The following AP3B2 variants were observed in gnomAD, a reference collection of about 807,000 sequenced individuals.
The protein encoded by AP3B2 is AP-3 complex subunit beta-2.
A neutral mutation model predicts 126.9 loss-of-function variants in AP3B2; 50 were observed. The observed-to-expected ratio is 0.39, with a 90% CI of 0.31 to 0.50. The LOEUF is 0.50. AP3B2 is among the 20% of genes least tolerant of loss of function. The pLI, the probability that AP3B2 is intolerant of heterozygous loss-of-function variation, is 0.79. For synonymous variants in AP3B2, 541 were observed against 565.0 expected (o/e 0.96, Z 0.60); for missense variants, 1,177 against 1,426.4 (o/e 0.83, Z 2.82).
chr15:82,667,080 C>G, intron 14 of AP3B2, 147 bp from the exon 15 acceptor site: 1 of 774,648 alleles, frequency 1.3e-6, no homozygotes, highest in Non-Finnish European at 2.0e-6. Flanking sequence ...TCCCTCCCCA[C>G]CTGCCCTTGT....
At position 82,661,855 on chromosome 15, in the gene AP3B2, T is replaced by C. The variant is rs2047956387; in HGVS notation, c.2986A>G (p.Met996Val). Reference sequence around the variant, plus strand: ...TCCTTCTTAAACTCATTTTCACTCATGAACACAGGGGCCATCAGCTCCCCA... The same window carrying C: ...TCCTTCTTAAACTCATTTTCACTCACGAACACAGGGGCCATCAGCTCCCCA... ...PVGELMAPVFMSENEFKKEQG... is the reference protein window; with the variant it reads ...PVGELMAPVFVSENEFKKEQG... The change falls in exon 25 of 27, where the codon ATG (methionine) becomes GTG (valine). Residue 996 changes from methionine (M) to valine (V), a missense_variant. Physicochemically the swap from Met to Val is conservative, Grantham distance 21. Coordinates refer to ENST00000535359, the MANE Select transcript of AP3B2 (RefSeq NM_001278512.2). The C allele has an allele frequency of 1.9e-6, 3 of 1,613,632 alleles. No individual in the cohort carries two copies. The highest frequency in any genetic ancestry group is 2.5e-6 in the Non-Finnish European group (3 of 1,179,794).
chr15:82,672,843 T>G (rs2048180091), intron 14 of AP3B2, among the ~76,000 whole-genome samples: 1 of 152,236 alleles, frequency 6.6e-6, no homozygotes, highest in Non-Finnish European at 1.5e-5. Context: ...GCATCCGTGT[T>G]GGGAGGCCCC....
At chr15:82,704,693 C>T (rs1398481673) in intron 1 of AP3B2, among the ~76,000 whole-genome samples, 2 of 152,248 alleles carry the variant, frequency 1.3e-5, no homozygotes, top group African/African-American at 2.4e-5. Context: ...CTGACTGACT[C>T]CTTCCCAAAT....
At position 82,687,986 on chromosome 15, in the gene AP3B2, G is replaced by A. The variant is rs192056591; in HGVS notation, c.360+750C>T. ...GCATGGTGATGCAGGCTGAGTAGTC[G>A]CAGCTACTCAGGAGACAGAGGTGGG... On this transcript the variant is annotated intron_variant, in intron 4 of 26. Transcript: ENST00000535359. The A allele has an allele frequency of 2.3e-3, 353 of 155,878 alleles. 1 individual carries two copies. The highest frequency in any genetic ancestry group is 7.8e-3 in the African/African-American group (323 of 41,538). 9.7% of individuals were successfully genotyped at this position (155,878 alleles called of 1,614,324 possible). A position where few individuals can be genotyped will look rare whatever the true frequency, so the allele number is the denominator to read the frequency against.
rs1229348730 is a variant in AP3B2 at position 82,663,155 on chromosome 15, G to A, written c.2576C>T (p.Thr859Ile). ...TSLAADLEGL[T>I]LTDSTLVPSL... ...CGGTACCAGGGTGGAGTCTGTGAGT[G>A]TCAGGCCCTCCAGGTCAGCAGCCAG... The change falls in exon 22 of 27, where the codon ACA becomes ATA. Residue 859 changes from threonine (T) to isoleucine (I), a missense_variant. Coordinates refer to ENST00000535359, the MANE Select transcript of AP3B2 (RefSeq NM_001278512.2). 14 of 1,612,040 alleles carry A rather than the reference G, an allele frequency of 8.7e-6. No individual in the cohort carries two copies. The highest frequency in any genetic ancestry group is 1.2e-5 in the Non-Finnish European group (14 of 1,179,612).
intron 4 of AP3B2, chr15:82,686,254 GC>G (rs2048424418): frequency 6.6e-6 from 1 of 152,214 alleles, no homozygotes; most frequent in Non-Finnish European, 1.5e-5. Flanking sequence ...TTATCTGCTT[GC>G]CAGTCAGAGG....
intron 2 of AP3B2, 23 bp downstream of exon 2, chr15:82,689,355 A>G: frequency 6.2e-7 from 1 of 1,613,416 alleles, no homozygotes; most frequent in Non-Finnish European, 8.5e-7. Context: ...GCCCGGAGGG[A>G]GGCCTCCTCC....
intron 1 of AP3B2, among the ~76,000 whole-genome samples, chr15:82,698,894 G>T (rs1488775191): frequency 6.6e-6 from 1 of 152,164 alleles, no homozygotes; most frequent in Non-Finnish European, 1.5e-5. Context: ...GCCTAAAGCA[G>T]CCAGCACAGG....
At chr15:82,659,780 TG>T in intron 26 of AP3B2, 64 bp downstream of exon 26, 1 of 1,609,256 alleles carries the variant, frequency 6.2e-7, no homozygotes, top group Non-Finnish European at 8.5e-7. Flanking sequence ...GATCAGCAGC[TG>T]GGGCTCCTCC....
At position 82,662,882 on chromosome 15, in the gene AP3B2, A is replaced by G; in HGVS notation, c.2645T>C (p.Leu882Pro). Reference protein sequence around the residue: ...PVSGVGRQELLHRVAGEGLAV... With the variant: ...PVSGVGRQELPHRVAGEGLAV... ...CAGCCCCTCGCCAGCTACCCGGTGC[A>G]GCAGCTCCTGCCGCCCAACACCCGA... Residue 882 changes from leucine to proline, a missense_variant, in exon 23 of 27, where the codon CTG becomes CCG. Physicochemically the swap from Leu to Pro is moderately conservative, Grantham distance 98. Around this residue, in one of 5 missense-constraint regions of AP3B2, gnomAD observed 587 missense variants for 571.3 expected, o/e 1.03. Coordinates refer to ENST00000535359, the MANE Select transcript of AP3B2 (RefSeq NM_001278512.2). 6.2e-7 allele frequency: 1 copy of G among 1,613,662 alleles called. No homozygotes were observed. The highest frequency in any genetic ancestry group is 8.5e-7 in the Non-Finnish European group (1 of 1,179,826).
At chr15:82,691,633 G>T in intron 1 of AP3B2, 5 of 988,478 alleles carry the variant, frequency 5.1e-6, no homozygotes, top group Non-Finnish European at 5.5e-6. Context: ...AATTTCCTAA[G>T]ACGCTAAATC....
rs2048855482 is a variant in AP3B2, at chr15:82,709,807, G to A, written c.-101C>T. 1.1e-6 allele frequency: 1 copy of A among 951,010 alleles called. No individual in the cohort carries two copies. The highest frequency in any genetic ancestry group is 3.4e-5 in the East Asian group (1 of 29,844). The allele number at this position is 951,010 out of a possible 1,614,324, so 58.9% of individuals were successfully genotyped here. On this transcript the variant is annotated 5_prime_UTR_variant, in exon 1 of 27. Coordinates refer to ENST00000535359, the MANE Select transcript of AP3B2 (RefSeq NM_001278512.2). ...GGCCGGTCCGGTCCGGGCTGGCGAA[G>A]GCGGCGGCGCGGCAGGGGTTCAGCA...
chr15:82,682,223 T>C (rs1450060853), intron 4 of AP3B2, among the ~76,000 whole-genome samples: 1 of 151,886 alleles, frequency 6.6e-6, no homozygotes, highest in African/African-American at 2.4e-5. Flanking sequence ...AGCTAATTTT[T>C]TGTATTTTTA....
At chr15:82,672,463 A>G (rs2048174178) in intron 14 of AP3B2, among the ~76,000 whole-genome samples, 1 of 152,176 alleles carries the variant, frequency 6.6e-6, no homozygotes, top group African/African-American at 2.4e-5. Flanking sequence ...AGAGGCTGAG[A>G]AGGGTAGTGG....
intron 10 of AP3B2, among the ~76,000 whole-genome samples, chr15:82,679,457 A>G (rs1305898505): frequency 6.6e-6 from 1 of 152,202 alleles, no homozygotes; most frequent in African/African-American, 2.4e-5. Context: ...TATAATGTAC[A>G]CATCCTGGGA....
In AP3B2 at chr15:82,664,308, C is replaced by T; in HGVS notation, c.2261+59G>A. On this transcript the variant is annotated intron_variant, in intron 19 of 26. Transcript: ENST00000535359. The surrounding 1 kb of genome is among the most constrained non-coding windows in gnomAD (Gnocchi z 4.5). Reference sequence around the variant, plus strand: ...GAGACTGGCTAAAGCTCAATGCTAGCCCTCTTTCCAGGAAAGCCCCCTGAA... The same window carrying T: ...GAGACTGGCTAAAGCTCAATGCTAGTCCTCTTTCCAGGAAAGCCCCCTGAA... The T allele has an allele frequency of 5.6e-6, 9 of 1,610,626 alleles. No individual in the cohort carries two copies. Among genetic ancestry groups the T allele is most frequent in the Non-Finnish European group, 7.6e-6 (9 of 1,179,434 alleles).
At chr15:82,703,328 G>A (rs530531151) in intron 1 of AP3B2, among the ~76,000 whole-genome samples, 8 of 94,254 alleles carry the variant, frequency 8.5e-5, no homozygotes, top group African/African-American at 1.2e-4. Flanking sequence ...AAGCACCCCC[G>A]ACTCCTTCTC....
chr15:82,677,095 G>T (rs754769285), intron 13 of AP3B2, among the ~76,000 whole-genome samples, 179 bp downstream of exon 13: 3 of 152,210 alleles, frequency 2.0e-5, no homozygotes, highest in Non-Finnish European at 4.4e-5. Context: ...GGTCTCCAAA[G>T]GGAAAGCAAA....
intron 1 of AP3B2, among the ~76,000 whole-genome samples, chr15:82,690,645 T>C (rs1219031998): frequency 7.5e-4 from 89 of 119,224 alleles, no homozygotes; most frequent in African/African-American, 1.5e-3. Context: ...TCTTCTTCTT[T>C]TTTTTTTTTT....
Sources: gnomAD v4.1 joint callset for allele counts (sites outside exome capture counted in the v4.1 genomes callset) on GRCh38, gnomAD v4.1.1 for gene constraint, gnomAD v4.1.1 regional missense constraint, Gnocchi (gnomAD v3.1) non-coding constraint, MANE v1.5 for transcripts, NCBI Gene and HGNC (gene_info 2026-07-23, HGNC 2026-07-21) for gene names.